The following GREB1L variants were observed in gnomAD, a reference collection of about 807,000 sequenced individuals.
GREB1L encodes the protein GREB1 like retinoic acid receptor coactivator, also known as GREB1-like protein.
GREB1L carries 17 observed loss-of-function variants against 200.8 expected under a neutral mutation model. The observed-to-expected ratio is 0.08, with a 90% CI of 0.06 to 0.13. The LOEUF (loss-of-function observed/expected upper bound fraction) is 0.13. Ranked by LOEUF, GREB1L falls within the 10% of genes least tolerant of loss-of-function variation. GREB1L has a pLI of 1.00. For missense variants in GREB1L, 1,657 were observed against 2,367.7 expected (o/e 0.70, Z 6.23); for synonymous variants, 789 against 893.0 (o/e 0.88, Z 2.08).
At chr18:21,384,117 CT>C in intron 3 of GREB1L, 88 bp from the exon 4 acceptor site, 1 of 942,896 alleles carries the variant, frequency 1.1e-6, no homozygotes, top group Non-Finnish European at 1.6e-6. Context: ...AATGCTAGAC[CT>C]TTTTTCTTCA....
chr18:21,399,483 G>A (rs1598760181), intron 5 of GREB1L, among the ~76,000 whole-genome samples: 2 of 151,688 alleles, frequency 1.3e-5, no homozygotes, highest in Admixed American at 6.6e-5. Flanking sequence ...ATGGATGGAT[G>A]GATGGATGGA....
intron 1 of GREB1L, among the ~76,000 whole-genome samples, chr18:21,278,200 C>T (rs1424843934): frequency 3.3e-5 from 5 of 151,570 alleles, no homozygotes; most frequent in Non-Finnish European, 7.4e-5. Flanking sequence ...GCCAACATGG[C>T]GAAACCCCAT....
At position 21,465,427 on chromosome 18, in the gene GREB1L, A is replaced by G. The variant is rs189386806; in HGVS notation, c.2183-7604A>G. ...AATGATATTGTAGTTATACAGGAGA[A>G]TGCCTTTGCTCTTAGGAAGAGCATA... is the stretch of plus-strand genomic sequence containing the variant. On this transcript the variant is annotated intron_variant, in intron 15 of 32. Coordinates refer to ENST00000424526, the MANE Select transcript of GREB1L (RefSeq NM_001142966.3). 8.9e-3 allele frequency among the ~76,000 whole-genome samples: 1,359 copies of G among 152,312 alleles called. 9 individuals are homozygous for G. Among genetic ancestry groups the G allele is most frequent in the Middle Eastern group, 0.051 (15 of 294 alleles).
chr18:21,256,421 A>G (rs1457004451), intron 1 of GREB1L, among the ~76,000 whole-genome samples: 1 of 152,184 alleles, frequency 6.6e-6, no homozygotes, highest in African/African-American at 2.4e-5. Context: ...GTAATAGGGT[A>G]GTCATGACTA....
intron 1 of GREB1L, among the ~76,000 whole-genome samples, chr18:21,311,318 G>C (rs946144213): frequency 6.6e-6 from 1 of 152,204 alleles, no homozygotes; most frequent in Non-Finnish European, 1.5e-5. Flanking sequence ...GAGATATTCT[G>C]ACAGTGGTGT....
chr18:21,500,571 T>G lies in GREB1L; in HGVS notation c.4001T>G (p.Leu1334Arg). The G allele has an allele frequency of 6.4e-7, 1 of 1,551,148 alleles. No individual in the cohort carries two copies. The highest frequency in any genetic ancestry group is 8.7e-7 in the Non-Finnish European group (1 of 1,146,808). Reference protein sequence around the residue: ...VGKTGSYLQFLRILFRMLIRL... With the variant: ...VGKTGSYLQFRRILFRMLIRL... The stretch of plus-strand genomic sequence containing the variant: ...AAGACGGGCTCCTATTTACAGTTCC[T>G]CAGGATCCTCTTCCGCATGCTCATC... Residue 1334 changes from leucine (L) to arginine (R), a missense_variant, in exon 23 of 33, where the codon CTC becomes CGC. Transcript: ENST00000424526.
intron 7 of GREB1L, among the ~76,000 whole-genome samples, chr18:21,426,958 C>CAAAAAAAAAAAAAAA (rs568993346): frequency 2.9e-5 from 2 of 68,426 alleles, no homozygotes; most frequent in African/African-American, 7.6e-5. Context: ...GACTACGTCT[C>CAAAAAAAAAAAAAAA]AAAAAAAAAA....
At chr18:21,304,996 T>C (rs78512831) in intron 1 of GREB1L, among the ~76,000 whole-genome samples, 2 of 151,388 alleles carry the variant, frequency 1.3e-5, no homozygotes, top group South Asian at 2.1e-4. Flanking sequence ...TTTTTTTTTT[T>C]CCAGACAGAG....
rs1363915519 is a variant in GREB1L, at chr18:21,383,554, T to G, written c.36T>G (p.Ala12=). 6.5e-7 allele frequency: 1 copy of G among 1,546,752 alleles called. No homozygotes were observed. The highest frequency in any genetic ancestry group is 8.7e-7 in the Non-Finnish European group (1 of 1,145,628). The change falls in exon 3 of 33, where the codon GCT becomes GCG. Residue 12 remains alanine, a synonymous_variant. Coordinates refer to ENST00000424526, the MANE Select transcript of GREB1L (RefSeq NM_001142966.3). ...CATATGCTGGGCAACTGAAATCTGC[T>G]CGATTTGAGGAAGCTCTCCACAACT... ...GNSYAGQLKS[A]RFEEALHNSI... is the part of the protein sequence containing the mutation.
intron 18 of GREB1L, among the ~76,000 whole-genome samples, chr18:21,486,982 A>T (rs1241463214): frequency 6.6e-6 from 1 of 152,256 alleles, no homozygotes; most frequent in Non-Finnish European, 1.5e-5. Context: ...TATTCAGTAG[A>T]TTATAATACT....
intron 21 of GREB1L, among the ~76,000 whole-genome samples, chr18:21,498,457 A>T (rs2036639716): frequency 6.6e-6 from 1 of 152,090 alleles, no homozygotes; most frequent in African/African-American, 2.4e-5. Flanking sequence ...GGTTTGAAGG[A>T]TAGTAAAGGT....
At chr18:21,248,155 T>C (rs773491249) in intron 1 of GREB1L, among the ~76,000 whole-genome samples, 5 of 152,152 alleles carry the variant, frequency 3.3e-5, no homozygotes, top group Non-Finnish European at 7.4e-5. Flanking sequence ...CTCAGATGTG[T>C]GGAGGGGCCA....
intron 1 of GREB1L, among the ~76,000 whole-genome samples, chr18:21,242,945 A>C (rs1176408956): frequency 6.6e-6 from 1 of 152,118 alleles, no homozygotes; most frequent in Non-Finnish European, 1.5e-5. Flanking sequence ...GAGAACGTCC[A>C]GAGGTGGCTG....
intron 1 of GREB1L, among the ~76,000 whole-genome samples, chr18:21,361,384 C>G (rs1255794105): frequency 6.6e-6 from 1 of 152,138 alleles, no homozygotes; most frequent in East Asian, 1.9e-4. Context: ...ACAGAGTGTT[C>G]CTGCATCTGA....
intron 1 of GREB1L, among the ~76,000 whole-genome samples, chr18:21,325,858 C>T (rs1453011775): frequency 7.0e-6 from 1 of 142,370 alleles, no homozygotes; most frequent in African/African-American, 2.6e-5. Context: ...ATGTCCCAGA[C>T]TACGGGGTTC....
At chr18:21,519,177 T>C (rs999679842) in intron 31 of GREB1L, among the ~76,000 whole-genome samples, 1 of 152,156 alleles carries the variant, frequency 6.6e-6, no homozygotes, top group African/African-American at 2.4e-5. Flanking sequence ...CCATCAGATA[T>C]AAAGGCCAGG....
chr18:21,449,072 T>C (rs2034388449), intron 11 of GREB1L, among the ~76,000 whole-genome samples: 2 of 152,240 alleles, frequency 1.3e-5, no homozygotes, highest in Admixed American at 1.3e-4. Flanking sequence ...TTTTCCAAAA[T>C]GCCTATGACT....
rs547201679 is a variant in GREB1L at position 21,384,508 on chromosome 18, G to A, written c.355+105G>A. 322 of 831,724 alleles carry A rather than the reference G, an allele frequency of 3.9e-4. 1 individual carries two copies. In the African/African-American group the frequency reaches 5.1e-3, roughly 13 times the overall value. The allele number at this position is 831,724 out of a possible 1,614,324, so 51.5% of individuals were successfully genotyped here. A position where few individuals can be genotyped will look rare whatever the true frequency, so the allele number is the denominator to read the frequency against. The stretch of plus-strand genomic sequence containing the variant: ...TCAAGGCTGGAAACTAGTAATTATC[G>A]TATGGAGAGGAATGAGAAATGATTA... On this transcript the variant is annotated intron_variant, in intron 4 of 32. Coordinates refer to ENST00000424526, the MANE Select transcript of GREB1L (RefSeq NM_001142966.3).
Position 21,327,782 on chromosome 18 carries a change from G to A in GREB1L, c.-119-38245G>A, listed in dbSNP as rs569844145. Reference sequence around the variant, plus strand: ...GCTGGAGTGCAGTGGCTGCGATCTCGGCTCACTGCAAGCTCTGCCTCCCGG... The same window carrying A: ...GCTGGAGTGCAGTGGCTGCGATCTCAGCTCACTGCAAGCTCTGCCTCCCGG... On this transcript the variant is annotated intron_variant, in intron 1 of 32. Transcript: ENST00000424526. Among the ~76,000 whole-genome samples the A allele has an allele frequency of 9.6e-4, 145 of 151,762 alleles. 4 individuals carry two copies. Among genetic ancestry groups the A allele is most frequent in the Admixed American group, 2.9e-3 (44 of 15,242 alleles).
Sources: gnomAD v4.1 joint callset for allele counts (sites outside exome capture counted in the v4.1 genomes callset) on GRCh38, gnomAD v4.1.1 for gene constraint, MANE v1.5 for transcripts, NCBI Gene and HGNC (gene_info 2026-07-23, HGNC 2026-07-21) for gene names.